OIT3: variants seen among roughly 807,000 people sequenced by gnomAD.
OIT3 encodes oncoprotein-induced transcript 3 protein.
A neutral mutation model predicts 52.2 loss-of-function variants in OIT3; 41 were observed. The ratio of observed to expected loss-of-function variants is 0.79; its 90% confidence interval spans 0.61 to 1.02. The LOEUF (loss-of-function observed/expected upper bound fraction) is 1.02, where lower values mean the gene tolerates loss of function less well. Ranked by LOEUF, OIT3 falls within the 50% of genes least tolerant of loss-of-function variation. The pLI is 0.00. For missense variants in OIT3, 634 were observed against 715.5 expected, an observed-to-expected ratio of 0.89 and a Z score of 1.30; for synonymous variants, 244 against 276.9, an observed-to-expected ratio of 0.88 and a Z score of 1.18.
chr10:72,910,282 G>T (rs1237113062), intron 4 of OIT3, among the ~76,000 whole-genome samples: 1 of 152,078 alleles, frequency 6.6e-6, no homozygotes, highest in Non-Finnish European at 1.5e-5. Flanking sequence ...GCATATTTTT[G>T]TGCTTTCTTC....
chr10:72,932,818 G>A lies in OIT3; in HGVS notation c.*294G>A, dbSNP rs531412569. ...TTTCTTTCCTACACTTAAATACCTC[G>A]TGTATGGTGCAATCAGACCACAAAA... On this transcript the variant is annotated 3_prime_UTR_variant, in exon 9 of 9. Coordinates refer to ENST00000334011, the MANE Select transcript of OIT3 (RefSeq NM_152635.3). 26 of 301,194 alleles carry A rather than the reference G, an allele frequency of 8.6e-5. No homozygotes were observed. In the East Asian group the frequency reaches 1.3e-3, roughly 15 times the overall value. The allele number at this position is 301,194 out of a possible 1,614,324, so 18.7% of individuals were successfully genotyped here. A position where few individuals can be genotyped will look rare whatever the true frequency, so the allele number is the denominator to read the frequency against.
At chr10:72,917,922 G>A in intron 6 of OIT3, 2 of 1,095,140 alleles carry the variant, frequency 1.8e-6, no homozygotes, top group South Asian at 1.2e-5. Flanking sequence ...ATTTTTGGCT[G>A]GAGTATCTTG....
At chr10:72,907,630 CG>C (rs879660701) in intron 4 of OIT3, among the ~76,000 whole-genome samples, 14 of 152,242 alleles carry the variant, frequency 9.2e-5, no homozygotes, top group South Asian at 2.1e-4. Flanking sequence ...ACAAGTTCCA[CG>C]GGTGATTTTT....
rs1846147705 is a variant in OIT3, at chr10:72,924,263, T to G, written c.986T>G (p.Val329Gly). 1 of 1,607,848 alleles carries G rather than the reference T, an allele frequency of 6.2e-7. No individual in the cohort carries two copies. Among genetic ancestry groups the G allele is most frequent in the Non-Finnish European group, 8.5e-7 (1 of 1,175,408 alleles). ...VNDKIVASNL[V>G]TGLPKQTPGS... is the part of the protein sequence containing the mutation. ...GACAAGATTGTGGCCAGCAACCTCG[T>G]GACAGGTCTACCCAAGCAGACCCCG... The change falls in exon 7 of 9, where the codon GTG becomes GGG. Residue 329 changes from valine (V) to glycine (G), a missense_variant. Physicochemically the swap from Val to Gly is moderately radical, Grantham distance 109. Coordinates refer to ENST00000334011, the MANE Select transcript of OIT3 (RefSeq NM_152635.3).
At chr10:72,910,921 G>A (rs1846023261) in intron 4 of OIT3, among the ~76,000 whole-genome samples, 1 of 152,164 alleles carries the variant, frequency 6.6e-6, no homozygotes, top group Admixed American at 6.5e-5. Flanking sequence ...TTGTAATAAT[G>A]TGTGCAGATT....
intron 3 of OIT3, among the ~76,000 whole-genome samples, chr10:72,905,010 A>G (rs1350130092): frequency 6.6e-6 from 1 of 152,178 alleles, no homozygotes; most frequent in African/African-American, 2.4e-5. Flanking sequence ...ACAGGAAGTG[A>G]GAGTGAGAAG....
intron 6 of OIT3, among the ~76,000 whole-genome samples, chr10:72,922,480 T>G (rs1054297983): frequency 6.6e-6 from 1 of 152,184 alleles, no homozygotes; most frequent in Admixed American, 6.5e-5. Flanking sequence ...CTGCTTTTAA[T>G]ACTTGCAATT....
intron 7 of OIT3, among the ~76,000 whole-genome samples, chr10:72,925,176 T>A (rs1285914116): frequency 2.0e-5 from 3 of 150,098 alleles, no homozygotes; most frequent in Non-Finnish European, 4.4e-5. Flanking sequence ...CTAGATGCCA[T>A]TAACCAAGGT....
At position 72,911,665 on chromosome 10, in the gene OIT3, T is replaced by A. The variant is rs1564592624; in HGVS notation, c.668-52T>A. ...TCCCTGATGCAAAGTGCCAGAATTCTTGGGGTAGAGGGTTACGAGATTATT... is the reference window on the plus strand; with the variant it reads ...TCCCTGATGCAAAGTGCCAGAATTCATGGGGTAGAGGGTTACGAGATTATT... On this transcript the variant is annotated intron_variant, in intron 4 of 8. Transcript: ENST00000334011. The A allele has an allele frequency of 2.5e-6, 4 of 1,576,582 alleles. No homozygotes were observed. In the African/African-American group the frequency reaches 5.4e-5, roughly 21 times the overall value.
chr10:72,931,149 C>T (rs1047848840), intron 8 of OIT3, among the ~76,000 whole-genome samples: 1 of 152,104 alleles, frequency 6.6e-6, no homozygotes, highest in African/African-American at 2.4e-5. Flanking sequence ...TAAATTAGTA[C>T]ATTTGCTGGA....
chr10:72,917,857 A>T, intron 6 of OIT3: 3 of 1,303,572 alleles, frequency 2.3e-6, no homozygotes, highest in Non-Finnish European at 3.3e-6. Flanking sequence ...TGTCCTTTTG[A>T]TCTTGGTGTT....
At chr10:72,894,276 A>C (rs1424320232) in intron 1 of OIT3, among the ~76,000 whole-genome samples, 3 of 152,248 alleles carry the variant, frequency 2.0e-5, no homozygotes, top group Non-Finnish European at 4.4e-5. Flanking sequence ...AGATCTGGAT[A>C]AACCAAACTC....
Position 72,898,818 on chromosome 10 carries a change from C to A in OIT3, c.216C>A (p.Thr72=). The A allele has an allele frequency of 6.2e-7, 1 of 1,614,132 alleles. No individual in the cohort carries two copies. The highest frequency in any genetic ancestry group is 1.7e-5 in the Admixed American group (1 of 60,012). The change falls in exon 2 of 9, where the codon ACC becomes ACA. Residue 72 remains threonine, a synonymous_variant. Coordinates refer to ENST00000334011, the MANE Select transcript of OIT3 (RefSeq NM_152635.3). ...FTGMAGDAMP[T]FCIPENHCGT... ...GCATGGCGGGAGATGCCATGCCTAC[C>A]TTCTGCATACCAGAAAACCACTGTG...
chr10:72,920,599 AC>A (rs1310339224), intron 6 of OIT3, among the ~76,000 whole-genome samples: 1 of 152,160 alleles, frequency 6.6e-6, no homozygotes, highest in South Asian at 2.1e-4. Flanking sequence ...ACACTGCCTA[AC>A]CTGTGCCCCT....
intron 2 of OIT3, among the ~76,000 whole-genome samples, chr10:72,899,724 GAT>G (rs1845913176): frequency 6.7e-6 from 1 of 149,472 alleles, no homozygotes; most frequent in Non-Finnish European, 1.5e-5. Context: ...TAGATAGATA[GAT>G]AGATAGATAG....
intron 6 of OIT3, among the ~76,000 whole-genome samples, chr10:72,919,614 T>C (rs543096378): frequency 6.6e-6 from 1 of 152,322 alleles, no homozygotes; most frequent in African/African-American, 2.4e-5. Flanking sequence ...TATTTTGAAG[T>C]ATATTCCTTC....
chr10:72,894,135 C>A (rs932536745), intron 1 of OIT3, among the ~76,000 whole-genome samples: 2 of 151,746 alleles, frequency 1.3e-5, no homozygotes, highest in African/African-American at 2.4e-5. Flanking sequence ...AAAAATAATT[C>A]TATCTTCTTT....
intron 6 of OIT3, among the ~76,000 whole-genome samples, chr10:72,919,019 T>G (rs1048436514): frequency 2.6e-5 from 4 of 152,232 alleles, no homozygotes; most frequent in Admixed American, 2.6e-4. Flanking sequence ...AGTGGTAGTT[T>G]AATGGGAAAG....
chr10:72,911,864 G>T, intron 5 of OIT3, 25 bp downstream of exon 5: 5 of 1,597,346 alleles, frequency 3.1e-6, no homozygotes, highest in Non-Finnish European at 4.3e-6. Context: ...AGGGGGACTT[G>T]TCTCTACTCT....
Sources: allele counts gnomAD v4.1 joint callset (sites outside exome capture counted in the v4.1 genomes callset), GRCh38; gene constraint gnomAD v4.1.1; transcripts MANE v1.5; gene names NCBI Gene and HGNC (gene_info 2026-07-23, HGNC 2026-07-21).